Variants in TBC1D5 observed in about 807,000 individuals in gnomAD.
TBC1D5 encodes the protein TBC1 domain family member 5.
A neutral mutation model predicts 100.3 loss-of-function variants in TBC1D5; 75 were observed. The observed-to-expected ratio is 0.75, with a 90% CI of 0.62 to 0.91. TBC1D5 has a LOEUF of 0.91. TBC1D5 is among the 40% of genes least tolerant of loss of function. The pLI is 0.00. For missense variants in TBC1D5, 910 were observed against 942.4 expected (o/e 0.97, Z 0.45); for synonymous variants, 323 against 325.6 (o/e 0.99, Z 0.09).
intron 16 of TBC1D5, among the ~76,000 whole-genome samples, chr3:17,239,441 C>G (rs1362477819): frequency 6.6e-6 from 1 of 152,136 alleles, no homozygotes; most frequent in Non-Finnish European, 1.5e-5. Context: ...CTACTGAACT[C>G]TTGTTCCTTT....
intron 1 of TBC1D5, among the ~76,000 whole-genome samples, chr3:17,711,611 A>T (rs969472547): frequency 6.6e-6 from 1 of 152,220 alleles, no homozygotes. Flanking sequence ...AAATAGTATC[A>T]TACGTATTTT....
chr3:17,612,299 C>CAA lies in TBC1D5; in HGVS notation c.-36+11548_-36+11549dup, dbSNP rs111532896. On this transcript the variant is annotated intron_variant, in intron 2 of 21. Coordinates refer to ENST00000253692, the Ensembl canonical transcript of TBC1D5. ...TGGGTGACAGACTAAGACACCGTCT[C>CAA]AAAAAAAAAAAAAAAAAGAATTGAA... Among the ~76,000 whole-genome samples, 661 of 60,968 alleles carry CAA rather than the reference C, an allele frequency of 0.011. 23 individuals carry two copies. The East Asian group carries it at 0.14, about 13-fold the overall frequency. 40.0% of individuals were successfully genotyped at this position (60,968 alleles called of 152,430 possible).
At chr3:17,161,375 C>A in intron 21 of TBC1D5, 119 bp from the exon 23 acceptor site, 1 of 1,174,068 alleles carries the variant, frequency 8.5e-7, no homozygotes, top group Non-Finnish European at 1.2e-6. Flanking sequence ...ACCCTACATT[C>A]GACCTTGAAA....
At chr3:17,253,281 T>C (rs1349853983) in intron 16 of TBC1D5, among the ~76,000 whole-genome samples, 4 of 152,236 alleles carry the variant, frequency 2.6e-5, no homozygotes, top group African/African-American at 7.2e-5. Flanking sequence ...TATTAGTAAT[T>C]TGTTGATCAG....
At chr3:17,447,846 A>G (rs1292555614) in intron 3 of TBC1D5, among the ~76,000 whole-genome samples, 1 of 152,238 alleles carries the variant, frequency 6.6e-6, no homozygotes, top group Non-Finnish European at 1.5e-5. Context: ...GATCTTGTGT[A>G]CATTTGTATT....
At chr3:17,729,277 T>A (rs1182644338) in intron 1 of TBC1D5, among the ~76,000 whole-genome samples, 1 of 149,894 alleles carries the variant, frequency 6.7e-6, no homozygotes, top group Non-Finnish European at 1.5e-5. Flanking sequence ...TACCCTCTCA[T>A]ACAATAATCT....
intron 10 of TBC1D5, among the ~76,000 whole-genome samples, chr3:17,375,334 TGA>T (rs1229146363): frequency 6.6e-6 from 1 of 151,784 alleles, no homozygotes; most frequent in Non-Finnish European, 1.5e-5. Flanking sequence ...TTTGGGAGGC[TGA>T]GGTGGGTAGA....
intron 2 of TBC1D5, among the ~76,000 whole-genome samples, chr3:17,567,079 T>G (rs1467132098): frequency 6.6e-6 from 1 of 151,812 alleles, no homozygotes; most frequent in Non-Finnish European, 1.5e-5. Flanking sequence ...TTCCCTAACA[T>G]TGTCCTACCA....
intron 17 of TBC1D5, among the ~76,000 whole-genome samples, chr3:17,228,037 G>C (rs372687685): frequency 6.6e-6 from 1 of 151,952 alleles, no homozygotes; most frequent in East Asian, 1.9e-4. Flanking sequence ...TTATTTCATT[G>C]GTGGTTGATG....
At chr3:17,221,207 G>A (rs1358236157) in intron 17 of TBC1D5, among the ~76,000 whole-genome samples, 1 of 151,396 alleles carries the variant, frequency 6.6e-6, no homozygotes, top group African/African-American at 2.4e-5. Flanking sequence ...GGTGTGATAA[G>A]GTTAAGGATG....
intron 17 of TBC1D5, among the ~76,000 whole-genome samples, chr3:17,234,348 A>G (rs2075687947): frequency 6.6e-6 from 1 of 152,116 alleles, no homozygotes; most frequent in African/African-American, 2.4e-5. Flanking sequence ...GATTTCATTT[A>G]CAAATTGGAC....
At chr3:17,364,032 C>G (rs553405088) in intron 13 of TBC1D5, among the ~76,000 whole-genome samples, 1 of 150,472 alleles carries the variant, frequency 6.6e-6, no homozygotes, top group Non-Finnish European at 1.5e-5. Flanking sequence ...AGCACCACCA[C>G]CCCCTCCCCG....
chr3:17,229,596 G>T (rs2075238683), intron 17 of TBC1D5, among the ~76,000 whole-genome samples: 1 of 152,166 alleles, frequency 6.6e-6, no homozygotes, highest in Non-Finnish European at 1.5e-5. Flanking sequence ...ACCTGAGCAG[G>T]TAGCACCCTA....
At chr3:17,439,547 AT>A (rs567150464) in intron 3 of TBC1D5, among the ~76,000 whole-genome samples, 93 of 152,126 alleles carry the variant, frequency 6.1e-4, no homozygotes, top group African/African-American at 1.5e-3. Flanking sequence ...TCAAATATCA[AT>A]TTTTTTTAAT....
At chr3:17,692,711 C>A (rs1382475021) in intron 1 of TBC1D5, among the ~76,000 whole-genome samples, 1 of 152,202 alleles carries the variant, frequency 6.6e-6, no homozygotes, top group Non-Finnish European at 1.5e-5. Flanking sequence ...TAAATGCTTT[C>A]TCTGAATTTG....
At chr3:17,346,129 A>T (rs73145851) in intron 13 of TBC1D5, among the ~76,000 whole-genome samples, 1 of 152,032 alleles carries the variant, frequency 6.6e-6, no homozygotes, top group Non-Finnish European at 1.5e-5. Flanking sequence ...TAAAGCAAAA[A>T]CTCTGTAGAT....
At chr3:17,256,414 T>C (rs2077681002) in intron 16 of TBC1D5, among the ~76,000 whole-genome samples, 1 of 146,782 alleles carries the variant, frequency 6.8e-6, no homozygotes, top group Admixed American at 6.8e-5. Context: ...TATAAACTCA[T>C]TGTGTTATAT....
intron 4 of TBC1D5, among the ~76,000 whole-genome samples, chr3:17,414,500 T>C (rs1043744082): frequency 1.3e-5 from 2 of 152,300 alleles, no homozygotes; most frequent in East Asian, 3.9e-4. Context: ...TAGGCCATTT[T>C]AAAGGTATGA....
At chr3:17,182,201 C>T (rs1478896524) in intron 19 of TBC1D5, among the ~76,000 whole-genome samples, 1 of 152,122 alleles carries the variant, frequency 6.6e-6, no homozygotes, top group Non-Finnish European at 1.5e-5. Flanking sequence ...CATCTGTGGG[C>T]CGTGGAGCCA....
Sources: allele counts gnomAD v4.1 joint callset (sites outside exome capture counted in the v4.1 genomes callset), GRCh38; gene constraint gnomAD v4.1.1; transcripts MANE v1.5; gene names NCBI Gene and HGNC (gene_info 2026-07-23, HGNC 2026-07-21).